FHIP1A: variants seen among roughly 807,000 people sequenced by gnomAD.
The protein encoded by FHIP1A is FHF complex subunit HOOK-interacting protein 1A.
FHIP1A carries 61 observed loss-of-function variants against 88.6 expected under a neutral mutation model. The ratio of observed to expected loss-of-function variants is 0.69; its 90% CI spans 0.56 to 0.85. The LOEUF is 0.85. Ranked by LOEUF, FHIP1A falls within the 40% of genes least tolerant of loss-of-function variation. FHIP1A has a pLI of 0.00. For synonymous variants in FHIP1A, 478 were observed against 496.0 expected, an observed-to-expected ratio of 0.96 and a Z score of 0.48; for missense variants, 1,154 against 1,273.5, an observed-to-expected ratio of 0.91 and a Z score of 1.43.
intron 7 of FHIP1A, among the ~76,000 whole-genome samples, chr4:151,605,175 A>G (rs1735025934): frequency 6.6e-6 from 1 of 152,158 alleles, no homozygotes; most frequent in South Asian, 2.1e-4. Flanking sequence ...AAGGTTGTAT[A>G]AGTAGCACCT....
rs117807685 is a variant in FHIP1A, at chr4:151,509,565, C to T, written c.-123+26917C>T. Among the ~76,000 whole-genome samples, 30 of 152,210 alleles carry T rather than the reference C, an allele frequency of 2.0e-4. No homozygotes were observed. The East Asian group carries it at 5.4e-3, about 28-fold the overall frequency. ...AGACCGAGGGCACCATTTGTGAGCT[C>T]ATTTTTGTGTGAAATGTACCTCGGT... On this transcript the variant is annotated intron_variant, in intron 3 of 13. Coordinates refer to ENST00000435205, the MANE Select transcript of FHIP1A (RefSeq NM_001109977.3).
At chr4:151,413,951 A>G (rs1732782268) in intron 1 of FHIP1A, among the ~76,000 whole-genome samples, 1 of 152,216 alleles carries the variant, frequency 6.6e-6, no homozygotes, top group African/African-American at 2.4e-5. Context: ...GGTCAACTGT[A>G]GAGACAAACC....
At chr4:151,570,047 C>T (rs1733539532) in intron 4 of FHIP1A, among the ~76,000 whole-genome samples, 1 of 152,186 alleles carries the variant, frequency 6.6e-6, no homozygotes, top group Admixed American at 6.5e-5. Flanking sequence ...AGCAATGAAT[C>T]TCAAACCCAG....
rs189728224 is a variant in FHIP1A, at chr4:151,521,751, G to A, written c.-123+39103G>A. On this transcript the variant is annotated intron_variant, in intron 3 of 13. Transcript: ENST00000435205. ...TTTTTATTTATTTATTCAAGACAGG[G>A]TCTTGCTCTGTCCCACAGACTGGAG... 5.8e-3 allele frequency among the ~76,000 whole-genome samples: 887 copies of A among 152,086 alleles called. 10 individuals are homozygous for A. Among genetic ancestry groups the A allele is most frequent in the Middle Eastern group, 0.01 (3 of 294 alleles).
At chr4:151,524,630 A>T (rs530023241) in intron 3 of FHIP1A, among the ~76,000 whole-genome samples, 4 of 152,336 alleles carry the variant, frequency 2.6e-5, no homozygotes, top group African/African-American at 9.6e-5. Context: ...GGACTGAACT[A>T]GGCATAATGG....
chr4:151,602,047 A>G (rs1175544055), intron 7 of FHIP1A, among the ~76,000 whole-genome samples: 3 of 152,054 alleles, frequency 2.0e-5, no homozygotes, highest in African/African-American at 4.8e-5. Context: ...CCAGAACAGC[A>G]TGGGAAAGAC....
At chr4:151,543,360 G>T (rs954642794) in intron 3 of FHIP1A, among the ~76,000 whole-genome samples, 1 of 152,078 alleles carries the variant, frequency 6.6e-6, no homozygotes, top group African/African-American at 2.4e-5. Flanking sequence ...CAGCCCATAG[G>T]GATGGCTTTC....
At chr4:151,476,434 C>T (rs1336662395) in intron 2 of FHIP1A, among the ~76,000 whole-genome samples, 1 of 152,064 alleles carries the variant, frequency 6.6e-6, no homozygotes, top group African/African-American at 2.4e-5. Context: ...CAGTTGTGAG[C>T]CATTGCACCT....
intron 4 of FHIP1A, among the ~76,000 whole-genome samples, chr4:151,575,218 T>G (rs1004900377): frequency 2.6e-5 from 4 of 152,170 alleles, no homozygotes; most frequent in Non-Finnish European, 1.5e-5. Flanking sequence ...ACTCAATATA[T>G]GGACTTTGAA....
chr4:151,537,014 AC>A, intron 3 of FHIP1A, among the ~76,000 whole-genome samples: 1 of 152,152 alleles, frequency 6.6e-6, no homozygotes, highest in Admixed American at 6.5e-5. Context: ...AGCTGGGACT[AC>A]AGGTGGTCAC....
chr4:151,426,063 A>G (rs375197171), intron 1 of FHIP1A, among the ~76,000 whole-genome samples: 1 of 152,146 alleles, frequency 6.6e-6, no homozygotes, highest in Admixed American at 6.5e-5. Flanking sequence ...TTTTCTGCCT[A>G]TCTTTAATAT....
intron 3 of FHIP1A, among the ~76,000 whole-genome samples, chr4:151,514,047 T>C (rs1284113410): frequency 4.0e-5 from 6 of 151,886 alleles, no homozygotes; most frequent in African/African-American, 1.5e-4. Flanking sequence ...GACCACATAG[T>C]TGGAAGTAAA....
At chr4:151,564,236 A>G (rs1392588135) in intron 3 of FHIP1A, among the ~76,000 whole-genome samples, 3 of 152,206 alleles carry the variant, frequency 2.0e-5, no homozygotes, top group Non-Finnish European at 4.4e-5. Flanking sequence ...AGCTGGAAAG[A>G]CCTGAGTCTT....
intron 7 of FHIP1A, among the ~76,000 whole-genome samples, chr4:151,605,444 A>C (rs1338537108): frequency 6.6e-6 from 1 of 152,228 alleles, no homozygotes; most frequent in African/African-American, 2.4e-5. Context: ...CTGTGACCAC[A>C]AAGAAAGCCT....
intron 3 of FHIP1A, among the ~76,000 whole-genome samples, chr4:151,539,077 C>A (rs1174389761): frequency 3.3e-5 from 5 of 152,128 alleles, no homozygotes; most frequent in African/African-American, 1.2e-4. Context: ...CTGGGGATAA[C>A]CTTAGGCTAT....
intron 3 of FHIP1A, among the ~76,000 whole-genome samples, chr4:151,539,564 A>T (rs969200605): frequency 5.8e-5 from 4 of 69,032 alleles, no homozygotes; most frequent in Non-Finnish European, 1.1e-4. Context: ...ACTCTGTCTA[A>T]AAAAAAAAAA....
At chr4:151,422,302 C>T (rs971256539) in intron 1 of FHIP1A, among the ~76,000 whole-genome samples, 2 of 151,580 alleles carry the variant, frequency 1.3e-5, no homozygotes, top group Admixed American at 6.6e-5. Flanking sequence ...CTATATATCC[C>T]AATACATAGA....
chr4:151,647,585 A>C (rs950254727), intron 10 of FHIP1A, among the ~76,000 whole-genome samples: 1 of 152,208 alleles, frequency 6.6e-6, no homozygotes, highest in Non-Finnish European at 1.5e-5. Context: ...AGTATGTTTG[A>C]TATTAACGTA....
At chr4:151,607,378 A>G (rs1033526521) in intron 7 of FHIP1A, among the ~76,000 whole-genome samples, 1 of 152,234 alleles carries the variant, frequency 6.6e-6, no homozygotes, top group African/African-American at 2.4e-5. Flanking sequence ...CTGGATTGAA[A>G]AAATCATATT....
Sources: allele counts gnomAD v4.1 joint callset (sites outside exome capture counted in the v4.1 genomes callset), GRCh38; gene constraint gnomAD v4.1.1; transcripts MANE v1.5; gene names NCBI Gene and HGNC (gene_info 2026-07-23, HGNC 2026-07-21).